FKBP9: variants seen among roughly 807,000 people sequenced by gnomAD.
The protein encoded by FKBP9 is peptidyl-prolyl cis-trans isomerase FKBP9.
A neutral mutation model predicts 55.6 loss-of-function variants in FKBP9; 27 were observed. The observed-to-expected ratio is 0.49, with a 90% CI of 0.36 to 0.67. FKBP9 has a LOEUF of 0.67. Ranked by LOEUF, FKBP9 falls within the 30% of genes least tolerant of loss-of-function variation. The pLI, the probability that FKBP9 is intolerant of heterozygous loss-of-function variation, is 0.00. For missense variants in FKBP9, 539 were observed against 742.8 expected, an observed-to-expected ratio of 0.73 and a Z score of 3.19; for synonymous variants, 267 against 296.5, an observed-to-expected ratio of 0.90 and a Z score of 1.02.
chr7:32,990,127 T>C (rs913737802), intron 6 of FKBP9, among the ~76,000 whole-genome samples: 17 of 152,176 alleles, frequency 1.1e-4, no homozygotes, highest in African/African-American at 4.1e-4. Context: ...CCACCATGCC[T>C]AGCCTCCTGT....
intron 1 of FKBP9, among the ~76,000 whole-genome samples, chr7:32,959,950 C>T (rs954291624): frequency 6.6e-6 from 1 of 151,894 alleles, no homozygotes; most frequent in Non-Finnish European, 1.5e-5. Context: ...GGATATATAC[C>T]TAGGAGTTGG....
intron 1 of FKBP9, among the ~76,000 whole-genome samples, chr7:32,969,705 T>A (rs1784217402): frequency 6.6e-6 from 1 of 151,958 alleles, no homozygotes; most frequent in Non-Finnish European, 1.5e-5. Context: ...CTCTTTAGAG[T>A]CCTTCAAGAT....
chr7:33,004,807 T>C (rs1158891384), intron 9 of FKBP9, among the ~76,000 whole-genome samples: 1 of 152,168 alleles, frequency 6.6e-6, no homozygotes, highest in African/African-American at 2.4e-5. Context: ...TAGTAGACCA[T>C]ATGTTTTGAT....
chr7:32,968,318 C>A (rs1366065995), intron 1 of FKBP9, among the ~76,000 whole-genome samples: 2 of 152,198 alleles, frequency 1.3e-5, no homozygotes, highest in Non-Finnish European at 2.9e-5. Context: ...TGCGTCCGGC[C>A]TGATTCTGTT....
chr7:32,957,731 G>T lies in FKBP9; in HGVS notation c.158G>T (p.Ser53Ile), dbSNP rs200043329. 2.0e-6 allele frequency: 3 copies of T among 1,523,998 alleles called. No homozygotes were observed. The highest frequency in any genetic ancestry group is 2.6e-6 in the Non-Finnish European group (3 of 1,139,898). 94.4% of individuals were successfully genotyped at this position (1,523,998 alleles called of 1,614,324 possible). A position where few individuals can be genotyped will look rare whatever the true frequency, so the allele number is the denominator to read the frequency against. The change falls in exon 1 of 10, where the codon AGC becomes ATC. Residue 53 changes from serine to isoleucine, a missense_variant. Ser to Ile is a moderately radical substitution (Grantham distance 142). Coordinates refer to ENST00000242209, the MANE Select transcript of FKBP9 (RefSeq NM_007270.5). Reference protein sequence around the residue: ...VPDECPRTVRSGDFVRYHYVG... With the variant: ...VPDECPRTVRIGDFVRYHYVG... ...GACGAGTGCCCGCGCACCGTGCGCA[G>T]CGGCGACTTCGTGCGCTACCACTAC...
At chr7:32,996,031 C>T in intron 6 of FKBP9, 132 bp from the exon 7 acceptor site, 1 of 676,996 alleles carries the variant, frequency 1.5e-6, no homozygotes, top group Non-Finnish European at 2.6e-6. Flanking sequence ...TTGGAGTCCT[C>T]CTAGGGTTCT....
intron 6 of FKBP9, among the ~76,000 whole-genome samples, chr7:32,990,989 C>A (rs1472624111): frequency 1.3e-5 from 2 of 152,156 alleles, no homozygotes; most frequent in African/African-American, 4.8e-5. Flanking sequence ...GCTTAAGATC[C>A]ATTCGACAGG....
At chr7:32,967,232 T>C (rs1304341107) in intron 1 of FKBP9, among the ~76,000 whole-genome samples, 1 of 152,196 alleles carries the variant, frequency 6.6e-6, no homozygotes, top group Non-Finnish European at 1.5e-5. Flanking sequence ...ACTTTGTTAT[T>C]ACTTTAAAAA....
intron 1 of FKBP9, among the ~76,000 whole-genome samples, chr7:32,973,024 G>A (rs1784282291): frequency 6.6e-6 from 1 of 152,168 alleles, no homozygotes; most frequent in Non-Finnish European, 1.5e-5. Flanking sequence ...GCCTGGCATT[G>A]TAACCTGCCC....
At chr7:33,004,560 T>C (rs1276953714) in intron 9 of FKBP9, among the ~76,000 whole-genome samples, 1 of 152,234 alleles carries the variant, frequency 6.6e-6, no homozygotes, top group Non-Finnish European at 1.5e-5. Flanking sequence ...AAATCTTCCC[T>C]TCTCCTTAAA....
chr7:33,004,421 G>A (rs1288630280), intron 9 of FKBP9, among the ~76,000 whole-genome samples: 1 of 152,122 alleles, frequency 6.6e-6, no homozygotes, highest in East Asian at 1.9e-4. Flanking sequence ...CCTGCCCCCA[G>A]TGCTGTCTGT....
At chr7:32,981,490 T>G (rs1784474312) in intron 5 of FKBP9, among the ~76,000 whole-genome samples, 2 of 152,142 alleles carry the variant, frequency 1.3e-5, no homozygotes, top group Non-Finnish European at 2.9e-5. Flanking sequence ...ATGTGTTGTT[T>G]GAAACTACTC....
At chr7:32,996,930 G>T (rs1784810617) in intron 7 of FKBP9, among the ~76,000 whole-genome samples, 1 of 150,682 alleles carries the variant, frequency 6.6e-6, no homozygotes, top group African/African-American at 2.4e-5. Context: ...TAGTAGCTGG[G>T]ACTACAGGCA....
chr7:32,967,961 G>A (rs760680107), intron 1 of FKBP9, among the ~76,000 whole-genome samples: 34 of 152,228 alleles, frequency 2.2e-4, no homozygotes, highest in Non-Finnish European at 4.6e-4. Context: ...CTCCGTGTTG[G>A]TCAGGCTGGT....
chr7:32,968,537 G>A (rs910150948), intron 1 of FKBP9, among the ~76,000 whole-genome samples: 4 of 151,034 alleles, frequency 2.6e-5, no homozygotes, highest in African/African-American at 9.7e-5. Context: ...TAACAAGTGT[G>A]TGTGAGGTAA....
chr7:32,997,074 G>A (rs558766202), intron 7 of FKBP9, among the ~76,000 whole-genome samples: 1 of 150,908 alleles, frequency 6.6e-6, no homozygotes, highest in African/African-American at 2.4e-5. Flanking sequence ...GATTACAGGC[G>A]TGAGCCTCCG....
intron 5 of FKBP9, among the ~76,000 whole-genome samples, chr7:32,987,678 G>A (rs184089612): frequency 9.9e-5 from 15 of 152,232 alleles, no homozygotes; most frequent in Middle Eastern, 3.4e-3. Flanking sequence ...CTGTCACCCA[G>A]GCTGGAGTGC....
At chr7:32,977,829 G>A (rs1249766928) in intron 4 of FKBP9, among the ~76,000 whole-genome samples, 10 of 129,320 alleles carry the variant, frequency 7.7e-5, no homozygotes, top group East Asian at 7.5e-4. Context: ...ATATATACAC[G>A]CCCATATATA....
intron 6 of FKBP9, among the ~76,000 whole-genome samples, chr7:32,994,235 G>A (rs1017880078): frequency 2.0e-5 from 3 of 152,050 alleles, no homozygotes; most frequent in African/African-American, 4.8e-5. Flanking sequence ...GTCACTCTCC[G>A]TACCCTGTCC....
Sources: gnomAD v4.1 joint callset for allele counts (sites outside exome capture counted in the v4.1 genomes callset) on GRCh38, gnomAD v4.1.1 for gene constraint, MANE v1.5 for transcripts, NCBI Gene and HGNC (gene_info 2026-07-23, HGNC 2026-07-21) for gene names.